Variants in SP1 observed in about 807,000 individuals in gnomAD.
SP1 encodes Sp1 transcription factor, also known as transcription factor Sp1.
In SP1, 6 loss-of-function variants were observed where a neutral mutation model predicts 66.3. The ratio of observed to expected loss-of-function variants is 0.09; its 90% CI spans 0.05 to 0.18. SP1 has a LOEUF of 0.18. SP1 is among the 10% of genes least tolerant of loss of function. The pLI is 1.00. For synonymous variants in SP1, 417 were observed against 360.8 expected (o/e 1.16, Z -1.77); for missense variants, 848 against 964.5 (o/e 0.88, Z 1.60).
intron 3 of SP1, among the ~76,000 whole-genome samples, chr12:53,392,967 G>A (rs1406836467): frequency 6.6e-6 from 1 of 151,840 alleles, no homozygotes; most frequent in Non-Finnish European, 1.5e-5. Context: ...CGGGATTACA[G>A]GTGGCCCGCC....
chr12:53,384,876 T>G (rs957373901), intron 3 of SP1, among the ~76,000 whole-genome samples: 2 of 151,872 alleles, frequency 1.3e-5, no homozygotes, highest in Non-Finnish European at 2.9e-5. Flanking sequence ...GCCCAGCTAC[T>G]CGGGAGGCTA....
chr12:53,406,219 C>T (rs1051521688), intron 3 of SP1, among the ~76,000 whole-genome samples: 3 of 151,658 alleles, frequency 2.0e-5, no homozygotes, highest in East Asian at 1.9e-4. Context: ...TACAGGCATG[C>T]GTACCATTCC....
chr12:53,393,592 C>CT (rs35813851), intron 3 of SP1, among the ~76,000 whole-genome samples: 2,379 of 130,334 alleles, frequency 0.018, 44 homozygotes, highest in African/African-American at 0.053. Context: ...CTGCATTTTC[C>CT]TTTTTTTTTT....
intron 3 of SP1, among the ~76,000 whole-genome samples, chr12:53,388,977 C>CAAAAAAAA (rs59161932): frequency 0.16 from 21,546 of 138,854 alleles, 1,682 homozygotes; most frequent in East Asian, 0.18. Flanking sequence ...GAGTCCCTGT[C>CAAAAAAAA]AAAAAAAAAA....
intron 3 of SP1, among the ~76,000 whole-genome samples, chr12:53,392,389 C>T (rs1188039019): frequency 7.8e-6 from 1 of 127,890 alleles, no homozygotes; most frequent in East Asian, 2.3e-4. Context: ...CGGAGTCTCG[C>T]TCTGTCGCCC....
At chr12:53,381,251 C>T (rs554920185) in intron 1 of SP1, 1 of 156,420 alleles carries the variant, frequency 6.4e-6, no homozygotes, top group South Asian at 1.7e-4. Context: ...CGCGCCTGGC[C>T]TCTCCATCTC....
At chr12:53,384,201 C>A (rs898600655) in intron 3 of SP1, among the ~76,000 whole-genome samples, 8 of 152,100 alleles carry the variant, frequency 5.3e-5, no homozygotes, top group Non-Finnish European at 1.0e-4. Flanking sequence ...GATCTCCTGA[C>A]CTCGTGATCC....
At chr12:53,385,027 G>T (rs1263903088) in intron 3 of SP1, among the ~76,000 whole-genome samples, 1 of 151,672 alleles carries the variant, frequency 6.6e-6, no homozygotes, top group African/African-American at 2.4e-5. Context: ...GGGCACGGTG[G>T]CTCACGCCTG....
Position 53,411,111 on chromosome 12 carries a change from T to G in SP1, c.2229T>G (p.Leu743=). 6.2e-7 allele frequency: 1 copy of G among 1,614,188 alleles called. No individual in the cohort carries two copies. The highest frequency in any genetic ancestry group is 8.5e-7 in the Non-Finnish European group (1 of 1,180,018). The part of the protein sequence containing the change: ...EGSGTATPSA[L]ITTNMVAMEA... The stretch of plus-strand genomic sequence containing the variant: ...GTGGCACTGCCACTCCTTCAGCCCT[T>G]ATTACCACCAATATGGTAGCCATGG... The change falls in exon 6 of 6, where the codon CTT becomes CTG. Residue 743 remains leucine, a synonymous_variant. Coordinates refer to ENST00000327443, the MANE Select transcript of SP1 (RefSeq NM_138473.3).
chr12:53,392,114 T>C (rs899959754), intron 3 of SP1, among the ~76,000 whole-genome samples: 3 of 152,180 alleles, frequency 2.0e-5, no homozygotes, highest in Non-Finnish European at 4.4e-5. Flanking sequence ...GATGTGCATA[T>C]CTAATTTATT....
intron 3 of SP1, among the ~76,000 whole-genome samples, chr12:53,404,836 AATT>A (rs934917442): frequency 7.9e-5 from 12 of 151,418 alleles, no homozygotes; most frequent in Admixed American, 2.6e-4. Context: ...ATGCCCAGCT[AATT>A]ATTATTATTA....
At position 53,409,407 on chromosome 12, in the gene SP1, C is replaced by T. The variant is rs942380131; in HGVS notation, c.1890C>T (p.Ile630=). 1.9e-6 allele frequency: 3 copies of T among 1,614,054 alleles called. No individual in the cohort carries two copies. The Admixed American group carries it at 5.0e-5, about 27-fold the overall frequency. ...PGKKKQHICH[I]QGCGKVYGKT... ...AAAAGAAACAGCATATTTGCCACATCCAAGGCTGTGGGAAAGTGTATGGCA... is the reference window on the plus strand; with the variant it reads ...AAAAGAAACAGCATATTTGCCACATTCAAGGCTGTGGGAAAGTGTATGGCA... Residue 630 remains isoleucine (I), a synonymous_variant, in exon 5 of 6, where the codon ATC becomes ATT. Transcript: ENST00000327443.
At chr12:53,396,588 C>CAA (rs1383963013) in intron 3 of SP1, among the ~76,000 whole-genome samples, 1 of 152,086 alleles carries the variant, frequency 6.6e-6, no homozygotes, top group Non-Finnish European at 1.5e-5. Context: ...CAAAACAAAA[C>CAA]AAAAAACAGA....
intron 1 of SP1, chr12:53,381,446 A>T: frequency 2.3e-6 from 1 of 427,054 alleles, no homozygotes. Context: ...ATTTTGTACA[A>T]GGGAGAATTA....
At chr12:53,398,769 G>C (rs1237799101) in intron 3 of SP1, among the ~76,000 whole-genome samples, 4 of 152,078 alleles carry the variant, frequency 2.6e-5, no homozygotes, top group Non-Finnish European at 5.9e-5. Flanking sequence ...ACTTAAATTT[G>C]CAAACTTCTT....
chr12:53,404,276 G>A (rs1022197819), intron 3 of SP1, among the ~76,000 whole-genome samples: 1 of 151,378 alleles, frequency 6.6e-6, no homozygotes, highest in African/African-American at 2.4e-5. Flanking sequence ...ACTCACGCCT[G>A]TAATCAGCAC....
chr12:53,380,428 G>T, intron 1 of SP1, 130 bp downstream of exon 1: 2 of 807,518 alleles, frequency 2.5e-6, no homozygotes, highest in Non-Finnish European at 3.4e-6. Flanking sequence ...CCTAGGTCCC[G>T]CCCGGGGCGG....
intron 3 of SP1, among the ~76,000 whole-genome samples, chr12:53,389,608 G>GT (rs142373008): frequency 7.5e-4 from 113 of 150,408 alleles, no homozygotes; most frequent in African/African-American, 2.4e-3. Flanking sequence ...CAGGCGTGAT[G>GT]TTTCTTTTTT....
At chr12:53,395,409 T>C (rs577036085) in intron 3 of SP1, among the ~76,000 whole-genome samples, 22 of 152,290 alleles carry the variant, frequency 1.4e-4, no homozygotes, top group African/African-American at 5.3e-4. Flanking sequence ...TCTGGTGTTA[T>C]CACATTTTAA....
Sources: gnomAD v4.1 joint callset for allele counts (sites outside exome capture counted in the v4.1 genomes callset) on GRCh38, gnomAD v4.1.1 for gene constraint, MANE v1.5 for transcripts, NCBI Gene and HGNC (gene_info 2026-07-23, HGNC 2026-07-21) for gene names.